CTNNA2: variants seen among roughly 807,000 people sequenced by gnomAD.
CTNNA2 encodes the protein catenin alpha-2.
A neutral mutation model predicts 101.0 loss-of-function variants in CTNNA2; 42 were observed. That is an observed-to-expected ratio of 0.42 (90% CI 0.32 to 0.54). The LOEUF is 0.54. CTNNA2 is among the 20% of genes least tolerant of loss of function. The pLI is 0.14. For missense variants in CTNNA2, 871 were observed against 1,223.1 expected (o/e 0.71, Z 4.29); for synonymous variants, 450 against 456.4 (o/e 0.99, Z 0.18).
intron 7 of CTNNA2, among the ~76,000 whole-genome samples, chr2:80,069,814 TCTA>T (rs138920757): frequency 0.04 from 6,118 of 152,322 alleles, 167 homozygotes; most frequent in Non-Finnish European, 0.061. Flanking sequence ...GCTACCTTCT[TCTA>T]CTATGCATTC....
chr2:79,552,403 A>G (rs1321389588), intron 1 of CTNNA2, among the ~76,000 whole-genome samples: 1 of 152,108 alleles, frequency 6.6e-6, no homozygotes, highest in Non-Finnish European at 1.5e-5. Flanking sequence ...GTCTGCAGCT[A>G]TTCCAGGCAC....
chr2:80,230,089 G>C (rs986202616), intron 7 of CTNNA2, among the ~76,000 whole-genome samples: 1 of 152,054 alleles, frequency 6.6e-6, no homozygotes, highest in African/African-American at 2.4e-5. Context: ...CTACACCATA[G>C]AGCCTAGGCA....
chr2:80,643,748 T>G (rs995500221), intron 18 of CTNNA2, among the ~76,000 whole-genome samples: 2 of 152,108 alleles, frequency 1.3e-5, no homozygotes, highest in Non-Finnish European at 2.9e-5. Context: ...TTCAGAATAA[T>G]GGAGCAAATC....
At chr2:80,098,627 G>A (rs190559943) in intron 7 of CTNNA2, among the ~76,000 whole-genome samples, 9 of 152,346 alleles carry the variant, frequency 5.9e-5, no homozygotes, top group Admixed American at 5.2e-4. Flanking sequence ...AGGCAGGCAG[G>A]CCTCCCCGAG....
chr2:80,208,785 G>C (rs188920336), intron 7 of CTNNA2, among the ~76,000 whole-genome samples: 2 of 152,124 alleles, frequency 1.3e-5, no homozygotes, highest in Non-Finnish European at 2.9e-5. Context: ...TGAATCATCC[G>C]TTGTGTTAAT....
At chr2:80,087,395 T>A (rs1259337399) in intron 7 of CTNNA2, among the ~76,000 whole-genome samples, 1 of 152,070 alleles carries the variant, frequency 6.6e-6, no homozygotes, top group Non-Finnish European at 1.5e-5. Context: ...ATTAAGAAAC[T>A]GAGGTCCAAG....
chr2:80,242,886 G>T (rs1316020471), intron 7 of CTNNA2, among the ~76,000 whole-genome samples: 1 of 152,136 alleles, frequency 6.6e-6, no homozygotes, highest in Non-Finnish European at 1.5e-5. Flanking sequence ...TGCCACCAGG[G>T]TCCAGGCTAT....
intron 7 of CTNNA2, among the ~76,000 whole-genome samples, chr2:80,353,384 T>C (rs1218349436): frequency 6.6e-6 from 1 of 152,144 alleles, no homozygotes; most frequent in Non-Finnish European, 1.5e-5. Flanking sequence ...GATGAAATTG[T>C]CTTCTGTTGT....
At chr2:80,363,351 A>T (rs1461473521) in intron 7 of CTNNA2, among the ~76,000 whole-genome samples, 1 of 152,162 alleles carries the variant, frequency 6.6e-6, no homozygotes, top group Non-Finnish European at 1.5e-5. Context: ...AATAACTAAA[A>T]ATAGCTCCAT....
intron 2 of CTNNA2, among the ~76,000 whole-genome samples, chr2:79,255,386 T>A (rs1281545729): frequency 6.6e-6 from 1 of 152,122 alleles, no homozygotes; most frequent in Admixed American, 6.6e-5. Flanking sequence ...ATTTACTAAG[T>A]AGAAGGTAAA....
chr2:80,509,253 C>T (rs1474952331), intron 9 of CTNNA2, among the ~76,000 whole-genome samples: 1 of 152,142 alleles, frequency 6.6e-6, no homozygotes, highest in African/African-American at 2.4e-5. Flanking sequence ...TCAGGGAAGG[C>T]AAGTGATTTG....
At position 79,839,546 on chromosome 2, in the gene CTNNA2, G is replaced by A. The variant is rs529558297; in HGVS notation, c.299-18467G>A. ...ATTCTTTTCTTTGCAATTCTGATTA[G>A]ACTTATGCTAGAAAATTCCTCTTTA... On this transcript the variant is annotated intron_variant, in intron 3 of 18. Transcript: ENST00000402739. 4.6e-5 allele frequency among the ~76,000 whole-genome samples: 7 copies of A among 151,992 alleles called. No homozygotes were observed. The South Asian group carries it at 6.2e-4, about 14-fold the overall frequency.
At chr2:79,372,740 C>T (rs1425384536) in intron 3 of CTNNA2, among the ~76,000 whole-genome samples, 3 of 152,136 alleles carry the variant, frequency 2.0e-5, no homozygotes, top group African/African-American at 7.2e-5. Flanking sequence ...TCGACAAGAA[C>T]AGTTATTCTG....
Position 80,419,966 on chromosome 2 carries a change from T to C in CTNNA2, c.1290+365T>C, listed in dbSNP as rs143321017. ...GGAGGCCTAGGACACTTCTCCCTTT[T>C]TTCCCACCTCAAACCCCTGTCCACT... On this transcript the variant is annotated intron_variant, in intron 9 of 18. Transcript: ENST00000402739. 1.8e-3 allele frequency among the ~76,000 whole-genome samples: 273 copies of C among 150,202 alleles called. 1 individual carries two copies. The highest frequency in any genetic ancestry group is 6.1e-3 in the African/African-American group (249 of 40,772).
At chr2:80,419,952 A>G (rs914663301) in intron 9 of CTNNA2, among the ~76,000 whole-genome samples, 6 of 146,870 alleles carry the variant, frequency 4.1e-5, no homozygotes, top group African/African-American at 1.5e-4. Context: ...GAGGCCTAGG[A>G]CACTTCTCCC....
At chr2:79,420,622 T>TTAGATATTAAA (rs1678531565) in intron 4 of CTNNA2, among the ~76,000 whole-genome samples, 3 of 152,188 alleles carry the variant, frequency 2.0e-5, no homozygotes, top group African/African-American at 7.2e-5. Context: ...CTGCTTAATT[T>TTAGATATTAAA]CTGTGCCTTA....
At chr2:79,586,723 T>C (rs575985367) in intron 1 of CTNNA2, among the ~76,000 whole-genome samples, 1 of 152,154 alleles carries the variant, frequency 6.6e-6, no homozygotes, top group Non-Finnish European at 1.5e-5. Flanking sequence ...TTTTGTTACA[T>C]GAACAAGTTC....
chr2:79,982,358 C>A (rs200405618), intron 7 of CTNNA2, among the ~76,000 whole-genome samples: 1,799 of 132,404 alleles, frequency 0.014, 59 homozygotes, highest in African/African-American at 0.05. Context: ...CCTATATAAC[C>A]TATATAACAT....
At chr2:80,610,248 T>C (rs1271815680) in intron 17 of CTNNA2, among the ~76,000 whole-genome samples, 19 of 151,628 alleles carry the variant, frequency 1.3e-4, no homozygotes, top group Admixed American at 1.3e-3. Context: ...TCTGCCTCCA[T>C]CTTTTTCTTC....
Sources: allele counts gnomAD v4.1 joint callset (sites outside exome capture counted in the v4.1 genomes callset), GRCh38; gene constraint gnomAD v4.1.1; transcripts MANE v1.5; gene names NCBI Gene and HGNC (gene_info 2026-07-23, HGNC 2026-07-21).